The following PBX4 variants were observed in gnomAD, a reference collection of about 807,000 sequenced individuals.
PBX4 encodes the protein PBX homeobox 4.
Under a neutral mutation model 35.1 loss-of-function variants are expected in PBX4, and 26 were observed. That is an observed-to-expected ratio of 0.74 (90% CI 0.54 to 1.03). PBX4 has a LOEUF of 1.03. Ranked by LOEUF, PBX4 falls within the 50% of genes least tolerant of loss-of-function variation. The probability of loss-of-function intolerance (pLI) is 0.00; values close to 1 mark genes in which losing one functional copy is unlikely to be tolerated. For synonymous variants in PBX4, 199 were observed against 204.2 expected (o/e 0.97, Z 0.22); for missense variants, 448 against 504.3 (o/e 0.89, Z 1.07).
At chr19:19,566,260 G>A (rs1191906567) in intron 5 of PBX4, among the ~76,000 whole-genome samples, 1 of 152,178 alleles carries the variant, frequency 6.6e-6, no homozygotes, top group East Asian at 1.9e-4. Flanking sequence ...TCTGCTCTGT[G>A]GGGGCTGTCC....
rs1261116458 is a variant in PBX4 at position 19,578,309 on chromosome 19, G to A, written c.194-7476C>T. Among the ~76,000 whole-genome samples, 6 of 152,196 alleles carry A rather than the reference G, an allele frequency of 3.9e-5. No individual in the cohort carries two copies. In the South Asian group the frequency reaches 1.0e-3, roughly 26 times the overall value. ...GTCACCACCATCAGTCCATGCTGGG[G>A]ACATCTGCCCTGCCAGCTGCCTCTT... is the stretch of plus-strand genomic sequence containing the variant. On this transcript the variant is annotated intron_variant, in intron 2 of 7. Transcript: ENST00000251203.
intron 1 of PBX4, among the ~76,000 whole-genome samples, chr19:19,610,698 T>C (rs2061658458): frequency 1.3e-5 from 2 of 151,998 alleles, no homozygotes; most frequent in South Asian, 4.1e-4. Flanking sequence ...GAGGTTGCAG[T>C]GAGCCGAGAT....
intron 1 of PBX4, among the ~76,000 whole-genome samples, chr19:19,611,769 A>G (rs2061664127): frequency 6.6e-6 from 1 of 152,072 alleles, no homozygotes; most frequent in African/African-American, 2.4e-5. Flanking sequence ...GCCTAAAACC[A>G]ACTTCCAAAT....
intron 2 of PBX4, among the ~76,000 whole-genome samples, chr19:19,596,817 G>A (rs2061564071): frequency 2.0e-5 from 3 of 151,466 alleles, no homozygotes; most frequent in Admixed American, 2.0e-4. Flanking sequence ...TACTTGGGAG[G>A]ATGGGGTGTG....
intron 2 of PBX4, among the ~76,000 whole-genome samples, 177 bp downstream of exon 2, chr19:19,599,115 T>C (rs538483670): frequency 3.3e-5 from 5 of 152,132 alleles, no homozygotes; most frequent in South Asian, 2.1e-4. Flanking sequence ...ATTACCGGCA[T>C]GCGTCACCAC....
At chr19:19,565,715 C>T (rs1013733178) in intron 5 of PBX4, among the ~76,000 whole-genome samples, 7 of 151,912 alleles carry the variant, frequency 4.6e-5, no homozygotes, top group African/African-American at 1.2e-4. Context: ...GTCAGGAGTT[C>T]GAGACCAGCC....
Position 19,564,729 on chromosome 19 carries a change from C to T in PBX4, c.925+204G>A, listed in dbSNP as rs1307455010. ...TCATGTCTTTTCTTATTAGTATCGC[C>T]ATTCTGTCCCCAAAGCACAGGTATC... is the stretch of plus-strand genomic sequence containing the variant. On this transcript the variant is annotated intron_variant, in intron 6 of 7. Transcript: ENST00000251203. 3.6e-5 allele frequency: 23 copies of T among 641,208 alleles called. No homozygotes were observed. The Admixed American group carries it at 5.4e-4, about 15-fold the overall frequency. The allele number at this position is 641,208 out of a possible 1,614,324, so 39.7% of individuals were successfully genotyped here.
chr19:19,612,689 A>C (rs926558243), intron 1 of PBX4, among the ~76,000 whole-genome samples: 1 of 152,180 alleles, frequency 6.6e-6, no homozygotes, highest in African/African-American at 2.4e-5. Flanking sequence ...CTAGGTCCAA[A>C]GAAATGAGGG....
intron 2 of PBX4, among the ~76,000 whole-genome samples, chr19:19,577,194 CAA>C (rs35798518): frequency 0.025 from 2,485 of 100,310 alleles, 69 homozygotes; most frequent in South Asian, 0.14. Context: ...GACTCCATGT[CAA>C]AAAAAAAAAA....
Position 19,562,907 on chromosome 19 carries a change from A to G in PBX4, c.1032+602T>C, listed in dbSNP as rs2061316867. Among the ~76,000 whole-genome samples, 1 of 152,118 alleles carries G rather than the reference A, an allele frequency of 6.6e-6. No homozygotes were observed. The highest frequency in any genetic ancestry group is 1.9e-4 in the East Asian group (1 of 5,176). On this transcript the variant is annotated intron_variant, in intron 7 of 7. Transcript: ENST00000251203. The surrounding 1 kb of genome is among the most constrained non-coding windows in gnomAD (Gnocchi z 4.8). ...CAGTGTGGGACGTGTGCTTCCCAGGACCAGGTGGGACCCCACAGACAGCAC... is the reference window on the plus strand; with the variant it reads ...CAGTGTGGGACGTGTGCTTCCCAGGGCCAGGTGGGACCCCACAGACAGCAC...
chr19:19,578,421 C>T (rs949327105), intron 2 of PBX4, among the ~76,000 whole-genome samples: 8 of 152,054 alleles, frequency 5.3e-5, no homozygotes, highest in South Asian at 2.1e-4. Flanking sequence ...ATTAGACATG[C>T]ATTACCATCA....
chr19:19,567,925 C>A (rs908658670), intron 5 of PBX4, among the ~76,000 whole-genome samples: 17 of 129,778 alleles, frequency 1.3e-4, no homozygotes, highest in African/African-American at 4.7e-4. Flanking sequence ...ATCCCTCAGG[C>A]AGCTCACACT....
At chr19:19,605,060 A>C (rs1568397180) in intron 1 of PBX4, among the ~76,000 whole-genome samples, 1 of 151,826 alleles carries the variant, frequency 6.6e-6, no homozygotes, top group East Asian at 1.9e-4. Flanking sequence ...CTTTAAAAAA[A>C]ATATATTTTA....
At chr19:19,586,781 A>C (rs1454838156) in intron 2 of PBX4, among the ~76,000 whole-genome samples, 1 of 151,696 alleles carries the variant, frequency 6.6e-6, no homozygotes, top group Non-Finnish European at 1.5e-5. Flanking sequence ...AATACAAAAA[A>C]TTAGCCAGGC....
At chr19:19,581,045 G>A (rs1021311432) in intron 2 of PBX4, among the ~76,000 whole-genome samples, 1 of 152,116 alleles carries the variant, frequency 6.6e-6, no homozygotes. Context: ...ATTTTACCTT[G>A]TTTAGAGTAG....
rs561205164 is a variant in PBX4, at chr19:19,563,539, A to C, written c.1002T>G (p.Pro334=). 6.3e-5 allele frequency: 97 copies of C among 1,550,506 alleles called. 2 individuals carry two copies. In the South Asian group the frequency reaches 1.1e-3, roughly 18 times the overall value. ...ACTGCAGGCAGCCTCCCCCAGGAGGAGGCTGGAGAGAGGCCAGAGTCCGCA... is the reference window on the plus strand; with the variant it reads ...ACTGCAGGCAGCCTCCCCCAGGAGGCGGCTGGAGAGAGGCCAGAGTCCGCA... The part of the protein sequence containing the change: ...LTLRTLASLQ[P]PPGGGCLQSQ... Residue 334 remains proline, a synonymous_variant, in exon 7 of 8, where the codon CCT becomes CCG. Coordinates refer to ENST00000251203, the MANE Select transcript of PBX4 (RefSeq NM_025245.3). This position sits in a 1 kb window ranked among gnomAD's most constrained non-coding sequence, Gnocchi z 5.1.
At chr19:19,598,412 C>T (rs555952569) in intron 2 of PBX4, among the ~76,000 whole-genome samples, 66 of 151,710 alleles carry the variant, frequency 4.4e-4, no homozygotes, top group African/African-American at 1.6e-3. Context: ...ATTCTCCTGC[C>T]TCAGCCTCCC....
At chr19:19,596,977 A>G (rs1026204782) in intron 2 of PBX4, among the ~76,000 whole-genome samples, 4 of 151,312 alleles carry the variant, frequency 2.6e-5, no homozygotes, top group Non-Finnish European at 5.9e-5. Context: ...TGGGAGGCAG[A>G]CAGGCAGGCG....
intron 2 of PBX4, among the ~76,000 whole-genome samples, chr19:19,586,813 C>A (rs1229280389): frequency 2.0e-5 from 3 of 151,780 alleles, no homozygotes; most frequent in Non-Finnish European, 4.4e-5. Context: ...CACCTGTAGT[C>A]CCAGCTACTC....
Sources: gnomAD v4.1 joint callset for allele counts (sites outside exome capture counted in the v4.1 genomes callset) on GRCh38, gnomAD v4.1.1 for gene constraint, Gnocchi (gnomAD v3.1) non-coding constraint, MANE v1.5 for transcripts, NCBI Gene and HGNC (gene_info 2026-07-23, HGNC 2026-07-21) for gene names.